PYROXD2: variants seen among roughly 807,000 people sequenced by gnomAD.
PYROXD2 encodes the protein pyridine nucleotide-disulfide oxidoreductase domain-containing protein 2.
Under a neutral mutation model 71.1 loss-of-function variants are expected in PYROXD2, and 69 were observed. The ratio of observed to expected loss-of-function variants is 0.97; its 90% CI spans 0.80 to 1.19. The LOEUF (loss-of-function observed/expected upper bound fraction) is 1.19. Among genes scored for constraint, PYROXD2 ranks in the 50% most tolerant of loss-of-function variants. PYROXD2 has a pLI of 0.00. For synonymous variants in PYROXD2, 287 were observed against 302.7 expected, an observed-to-expected ratio of 0.95 and a Z score of 0.54; for missense variants, 745 against 748.9, an observed-to-expected ratio of 0.99 and a Z score of 0.06.
At position 98,392,579 on chromosome 10, in the gene PYROXD2, A is replaced by T; in HGVS notation, c.928-13T>A. ...CCTTCGCCACTGTCTAGAGCCCACC[A>T]GAACAAGGCCCCAGAAACCGCAGGA... On this transcript the variant is annotated splice_polypyrimidine_tract_variant and intron_variant, in intron 9 of 15. Coordinates refer to ENST00000370575, the MANE Select transcript of PYROXD2 (RefSeq NM_032709.3). The T allele has an allele frequency of 6.2e-7, 1 of 1,609,038 alleles. No individual in the cohort carries two copies. Among genetic ancestry groups the T allele is most frequent in the Non-Finnish European group, 8.5e-7 (1 of 1,179,856 alleles).
At chr10:98,404,769 T>G (rs1843538034) in intron 4 of PYROXD2, among the ~76,000 whole-genome samples, 3 of 152,052 alleles carry the variant, frequency 2.0e-5, no homozygotes, top group Non-Finnish European at 4.4e-5. Context: ...GCCTCCTCTT[T>G]CAGAATGACC....
intron 8 of PYROXD2, among the ~76,000 whole-genome samples, chr10:98,394,249 C>A (rs1034676290): frequency 6.6e-6 from 1 of 152,152 alleles, no homozygotes; most frequent in African/African-American, 2.4e-5. Flanking sequence ...ACAAACGGAG[C>A]ACTGGTTAAG....
chr10:98,414,919 G>A, intron 1 of PYROXD2, 90 bp downstream of exon 1: 1 of 1,536,928 alleles, frequency 6.5e-7, no homozygotes, highest in Non-Finnish European at 8.8e-7. Flanking sequence ...GAGCAGTGGG[G>A]CTTGGCTCCC....
chr10:98,410,077 T>C, intron 2 of PYROXD2, among the ~76,000 whole-genome samples: 1 of 133,692 alleles, frequency 7.5e-6, no homozygotes, highest in Non-Finnish European at 1.5e-5. Flanking sequence ...AAACTCCGTC[T>C]CAAAAAAAAT....
Position 98,385,047 on chromosome 10 carries a change from C to G in PYROXD2, c.1575G>C (p.Met525Ile), listed in dbSNP as rs144381490. 6.2e-7 allele frequency: 1 copy of G among 1,613,782 alleles called. No individual in the cohort carries two copies. The highest frequency in any genetic ancestry group is 1.3e-5 in the African/African-American group (1 of 74,942). The change falls in exon 15 of 16, where the codon ATG (methionine) becomes ATC (isoleucine). Residue 525 changes from methionine (M) to isoleucine (I), a missense_variant. By Grantham distance (10) the Met-to-Ile change is conservative. Coordinates refer to ENST00000370575, the MANE Select transcript of PYROXD2 (RefSeq NM_032709.3). The stretch of plus-strand genomic sequence containing the variant: ...GGGCGAAGTAGAGCTGGTCCAGGGA[C>G]ATGGCGCAGTGGAATATGTTCTGCA... ...LPGGNIFHCA[M>I]SLDQLYFARP... is the part of the protein sequence containing the mutation.
chr10:98,390,230 A>G (rs1007793743), intron 12 of PYROXD2, among the ~76,000 whole-genome samples: 8 of 152,218 alleles, frequency 5.3e-5, no homozygotes, highest in Admixed American at 2.6e-4. Context: ...TCAGAAAAAG[A>G]AAGGCTACGG....
intron 4 of PYROXD2, among the ~76,000 whole-genome samples, chr10:98,402,739 C>T (rs954718442): frequency 5.9e-5 from 9 of 152,240 alleles, no homozygotes; most frequent in African/African-American, 1.9e-4. Context: ...TCCCTGCCCC[C>T]TCACCCTGCA....
At chr10:98,386,545 G>GTTTTTT (rs1218935246) in intron 14 of PYROXD2, among the ~76,000 whole-genome samples, 1 of 106,910 alleles carries the variant, frequency 9.4e-6, no homozygotes, top group African/African-American at 4.3e-5. Flanking sequence ...TCTTTCTTTT[G>GTTTTTT]CTTTTTTTTT....
chr10:98,404,576 A>G (rs555005383), intron 4 of PYROXD2, among the ~76,000 whole-genome samples: 1 of 152,270 alleles, frequency 6.6e-6, no homozygotes, highest in East Asian at 1.9e-4. Flanking sequence ...AAACCCAAAA[A>G]AACAAAATGA....
Position 98,400,224 on chromosome 10 carries a change from AG to A in PYROXD2, c.348del (p.Tyr117ThrfsTer55). 3 of 1,612,130 alleles carry A rather than the reference AG, an allele frequency of 1.9e-6. No individual in the cohort carries two copies. The highest frequency in any genetic ancestry group is 2.5e-6 in the Non-Finnish European group (3 of 1,178,936). On this transcript the variant is annotated frameshift_variant, in exon 5 of 16. Transcript: ENST00000370575. LOFTEE classifies it high-confidence loss of function. The part of the protein sequence containing the change: ...KHGLRLHLRN[P>X]YSFTPMLEEG... ...TCTTCCAGCATGGGGGTGAAGGAGT[AG>A]GGGTTTCGAAGATGAAGCCTCAGCC...
intron 8 of PYROXD2, among the ~76,000 whole-genome samples, chr10:98,394,089 C>T (rs1020905796): frequency 3.9e-5 from 6 of 152,224 alleles, no homozygotes; most frequent in East Asian, 1.9e-4. Context: ...GCATCACACT[C>T]ACGCCACTTC....
At chr10:98,405,976 T>C (rs184947509) in intron 4 of PYROXD2, among the ~76,000 whole-genome samples, 2 of 152,310 alleles carry the variant, frequency 1.3e-5, no homozygotes, top group Admixed American at 1.3e-4. Context: ...GTGATGCTGG[T>C]AAAATAAACG....
chr10:98,413,109 A>G (rs1331062862), intron 1 of PYROXD2, among the ~76,000 whole-genome samples: 2 of 152,222 alleles, frequency 1.3e-5, no homozygotes, highest in Admixed American at 6.5e-5. Context: ...CTATGTACAT[A>G]TCTGCATGGT....
chr10:98,389,442 T>C (rs965777559), intron 12 of PYROXD2, among the ~76,000 whole-genome samples: 5 of 152,078 alleles, frequency 3.3e-5, no homozygotes, highest in Admixed American at 6.6e-5. Flanking sequence ...AGTGTCCAGG[T>C]TGGTCTTTTT....
intron 8 of PYROXD2, among the ~76,000 whole-genome samples, chr10:98,394,798 G>C (rs1843099411): frequency 6.6e-6 from 1 of 152,100 alleles, no homozygotes; most frequent in Admixed American, 6.6e-5. Flanking sequence ...GTTTGCGGGA[G>C]TGGAGAGGTA....
At chr10:98,404,685 A>G (rs7901577) in intron 4 of PYROXD2, among the ~76,000 whole-genome samples, 47,255 of 151,714 alleles carry the variant, frequency 0.31, 7,611 homozygotes, top group South Asian at 0.49. Flanking sequence ...TGAAGGGTGT[A>G]TCTGTGTGTG....
chr10:98,386,010 C>T (rs1349229204), intron 14 of PYROXD2, among the ~76,000 whole-genome samples: 1 of 152,112 alleles, frequency 6.6e-6, no homozygotes, highest in Non-Finnish European at 1.5e-5. Flanking sequence ...GTTGTGGTGG[C>T]CCATGCCTGC....
At chr10:98,401,547 A>G (rs1031998571) in intron 4 of PYROXD2, among the ~76,000 whole-genome samples, 1 of 152,188 alleles carries the variant, frequency 6.6e-6, no homozygotes, top group Non-Finnish European at 1.5e-5. Context: ...AATTTTTAAA[A>G]CCTTTTTGAT....
intron 5 of PYROXD2, 103 bp downstream of exon 5, chr10:98,399,999 G>A (rs181125749): frequency 2.4e-5 from 33 of 1,394,142 alleles, no homozygotes; most frequent in Admixed American, 1.2e-4. Context: ...GTGGCCTGGC[G>A]CAGTGTCCAT....
Sources: gnomAD v4.1 joint callset for allele counts (sites outside exome capture counted in the v4.1 genomes callset) on GRCh38, gnomAD v4.1.1 for gene constraint, MANE v1.5 for transcripts, NCBI Gene and HGNC (gene_info 2026-07-23, HGNC 2026-07-21) for gene names.